The following EYS variants were observed in gnomAD, a reference collection of about 807,000 sequenced individuals.
EYS encodes protein eyes shut homolog.
A neutral mutation model predicts 282.1 loss-of-function variants in EYS; 250 were observed. That is an observed-to-expected ratio of 0.89 (90% CI 0.80 to 0.98). The LOEUF is 0.98. Among genes scored for constraint, EYS ranks in the 50% least tolerant of loss-of-function variants. The pLI is 0.00. For missense variants in EYS, 4,016 were observed against 3,709.0 expected (o/e 1.08, Z -2.15); for synonymous variants, 1,355 against 1,282.9 (o/e 1.06, Z -1.20).
At chr6:64,437,977 G>T (rs775726901) in intron 27 of EYS, among the ~76,000 whole-genome samples, 18 of 151,520 alleles carry the variant, frequency 1.2e-4, no homozygotes, top group Non-Finnish European at 2.4e-4. Flanking sequence ...TCATATATTA[G>T]AATTATATAA....
At chr6:64,876,694 G>A (rs544992169) in intron 19 of EYS, among the ~76,000 whole-genome samples, 1 of 152,212 alleles carries the variant, frequency 6.6e-6, no homozygotes, top group South Asian at 2.1e-4. Flanking sequence ...TTTATATAAT[G>A]TAGGTAGGCT....
intron 19 of EYS, among the ~76,000 whole-genome samples, chr6:64,843,441 A>G (rs1424273378): frequency 6.6e-6 from 1 of 152,222 alleles, no homozygotes; most frequent in Non-Finnish European, 1.5e-5. Flanking sequence ...AGAACTGCCC[A>G]AGACTAAGGG....
At chr6:64,171,637 C>A (rs997696050) in intron 31 of EYS, among the ~76,000 whole-genome samples, 4 of 151,802 alleles carry the variant, frequency 2.6e-5, no homozygotes, top group African/African-American at 9.7e-5. Flanking sequence ...AACAGTCTTC[C>A]ACTGCACGTA....
intron 30 of EYS, among the ~76,000 whole-genome samples, chr6:64,256,155 ATTG>A (rs1371606433): frequency 2.3e-4 from 35 of 152,156 alleles, no homozygotes; most frequent in African/African-American, 7.2e-4. Context: ...TAGAATTTAA[ATTG>A]AGTATCTGTC....
At chr6:64,495,363 T>C (rs567942073) in intron 26 of EYS, among the ~76,000 whole-genome samples, 1 of 151,928 alleles carries the variant, frequency 6.6e-6, no homozygotes, top group South Asian at 2.1e-4. Flanking sequence ...GGATCTCAAC[T>C]TGGACTTGGA....
At chr6:65,033,198 G>T (rs1432066119) in intron 13 of EYS, among the ~76,000 whole-genome samples, 1 of 152,108 alleles carries the variant, frequency 6.6e-6, no homozygotes, top group Non-Finnish European at 1.5e-5. Flanking sequence ...ACCCAAAGTT[G>T]GAAGTTATAT....
intron 8 of EYS, among the ~76,000 whole-genome samples, chr6:65,382,457 CTGTGTGTGTGTGTGTGTGTG>C (rs55949006): frequency 7.8e-4 from 87 of 112,014 alleles, no homozygotes; most frequent in African/African-American, 2.4e-3. Flanking sequence ...CTCCTTTCCT[CTGTGTGTGTGTGTGTGTGTG>C]TGTGTGTGTG....
intron 26 of EYS, among the ~76,000 whole-genome samples, chr6:64,485,833 G>T (rs1343575394): frequency 1.3e-5 from 2 of 151,208 alleles, no homozygotes; most frequent in Admixed American, 1.3e-4. Context: ...GGGCCTAAGG[G>T]TTATTGAAGT....
Position 64,590,818 on chromosome 6 carries a change from C to A in EYS, c.5049G>T (p.Leu1683Phe). ...GTTCATCAGTAGTCATTTTTGAAGTCAAATCAGAATTCATCAAGTCTGAAG... is the reference window on the plus strand; with the variant it reads ...GTTCATCAGTAGTCATTTTTGAAGTAAAATCAGAATTCATCAAGTCTGAAG... ...TISSDLMNSDLTSKMTTDELS... is the reference protein window; with the variant it reads ...TISSDLMNSDFTSKMTTDELS... Residue 1683 changes from leucine to phenylalanine, a missense_variant, in exon 26 of 43, where the codon TTG becomes TTT. Transcript: ENST00000503581. The A allele has an allele frequency of 1.3e-6, 2 of 1,550,066 alleles. No homozygotes were observed. The highest frequency in any genetic ancestry group is 2.4e-5 in the South Asian group (2 of 83,902).
chr6:65,642,866 T>A (rs1256666245), intron 1 of EYS, among the ~76,000 whole-genome samples: 1 of 152,114 alleles, frequency 6.6e-6, no homozygotes, highest in African/African-American at 2.4e-5. Flanking sequence ...CTCCAGAAAA[T>A]AACTTTAAGA....
chr6:64,610,497 C>T (rs1437466059), intron 24 of EYS, among the ~76,000 whole-genome samples: 2 of 150,222 alleles, frequency 1.3e-5, no homozygotes, highest in Non-Finnish European at 3.0e-5. Flanking sequence ...TCCAAATCCC[C>T]GGTTCAAGCG....
chr6:64,084,941 A>G (rs1411375502), intron 31 of EYS, among the ~76,000 whole-genome samples: 1 of 152,068 alleles, frequency 6.6e-6, no homozygotes, highest in African/African-American at 2.4e-5. Flanking sequence ...AGACTCTTAA[A>G]TTCCTGGTCA....
chr6:65,131,534 G>GAGAACAA (rs1190250682), intron 12 of EYS, among the ~76,000 whole-genome samples: 5 of 151,946 alleles, frequency 3.3e-5, no homozygotes, highest in African/African-American at 1.2e-4. Flanking sequence ...TGAAACTAAT[G>GAGAACAA]AGAACAAAGA....
intron 2 of EYS, among the ~76,000 whole-genome samples, chr6:65,505,584 C>G (rs1032623642): frequency 6.6e-6 from 1 of 151,954 alleles, no homozygotes; most frequent in Non-Finnish European, 1.5e-5. Context: ...CATGGTTTGA[C>G]CAGTTATAGT....
At chr6:65,490,371 T>G (rs988357817) in intron 5 of EYS, 3 of 387,354 alleles carry the variant, frequency 7.7e-6, no homozygotes, top group South Asian at 5.2e-5. Flanking sequence ...GCATGTGAAC[T>G]GTTGTTCAGA....
intron 19 of EYS, among the ~76,000 whole-genome samples, chr6:64,860,782 G>C (rs2150048068): frequency 6.6e-6 from 1 of 152,302 alleles, no homozygotes; most frequent in East Asian, 1.9e-4. Context: ...GAAAGAGGTA[G>C]GTAGACAAGT....
Position 65,138,408 on chromosome 6 carries a change from T to C in EYS, c.2024-80681A>G, listed in dbSNP as rs553750562. Among the ~76,000 whole-genome samples, 3 of 152,168 alleles carry C rather than the reference T, an allele frequency of 2.0e-5. No individual in the cohort carries two copies. The South Asian group carries it at 6.2e-4, about 32-fold the overall frequency. On this transcript the variant is annotated intron_variant, in intron 12 of 42. Transcript: ENST00000503581. ...ACTACCAGCGATATTTGGAACACAG[T>C]AGTAAAAATAAGAATTATTAAAATA...
chr6:64,365,695 A>C (rs1301313863), intron 29 of EYS, among the ~76,000 whole-genome samples: 1 of 152,100 alleles, frequency 6.6e-6, no homozygotes, highest in Non-Finnish European at 1.5e-5. Context: ...ATATATACCT[A>C]TGATAAAGTT....
intron 12 of EYS, among the ~76,000 whole-genome samples, chr6:65,205,641 G>T (rs1283578313): frequency 6.6e-6 from 1 of 151,764 alleles, no homozygotes; most frequent in Non-Finnish European, 1.5e-5. Context: ...CATATGCTTG[G>T]TCATAAAGCA....
Sources: allele counts gnomAD v4.1 joint callset (sites outside exome capture counted in the v4.1 genomes callset), GRCh38; gene constraint gnomAD v4.1.1; transcripts MANE v1.5; gene names NCBI Gene and HGNC (gene_info 2026-07-23, HGNC 2026-07-21).